AUTS2: variants seen among roughly 807,000 people sequenced by gnomAD.
The protein encoded by AUTS2 is autism susceptibility gene 2 protein.
A neutral mutation model predicts 112.4 loss-of-function variants in AUTS2; 17 were observed. That is an observed-to-expected ratio of 0.15 (90% CI 0.10 to 0.23). The LOEUF (loss-of-function observed/expected upper bound fraction) is 0.23, where lower values mean the gene tolerates loss of function less well. Among genes scored for constraint, AUTS2 ranks in the 10% least tolerant of loss-of-function variants. The probability of loss-of-function intolerance (pLI) is 1.00; values close to 1 mark genes in which losing one functional copy is unlikely to be tolerated. For synonymous variants in AUTS2, 751 were observed against 702.7 expected (o/e 1.07, Z -1.09); for missense variants, 1,510 against 1,701.6 (o/e 0.89, Z 1.98).
intron 5 of AUTS2, among the ~76,000 whole-genome samples, chr7:70,670,257 G>A (rs1445443150): frequency 6.6e-6 from 1 of 152,172 alleles, no homozygotes; most frequent in Non-Finnish European, 1.5e-5. Flanking sequence ...AAGAGCCTAG[G>A]TGGGGAAGGA....
At chr7:69,727,285 C>T (rs536841657) in intron 1 of AUTS2, among the ~76,000 whole-genome samples, 1 of 152,198 alleles carries the variant, frequency 6.6e-6, no homozygotes, top group East Asian at 1.9e-4. Flanking sequence ...TCCCTGGCAC[C>T]TCCGTTGAAA....
chr7:69,888,221 CT>C (rs1794360151), intron 1 of AUTS2, among the ~76,000 whole-genome samples: 1 of 151,690 alleles, frequency 6.6e-6, no homozygotes. Flanking sequence ...GTTTATTTCA[CT>C]CATGGTTCTG....
At chr7:70,046,443 G>C (rs1395918290) in intron 2 of AUTS2, among the ~76,000 whole-genome samples, 1 of 152,176 alleles carries the variant, frequency 6.6e-6, no homozygotes, top group Non-Finnish European at 1.5e-5. Flanking sequence ...TATAGTGATA[G>C]ATGTTATTGT....
At chr7:69,837,606 TG>T (rs1209280129) in intron 1 of AUTS2, among the ~76,000 whole-genome samples, 1 of 151,992 alleles carries the variant, frequency 6.6e-6, no homozygotes, top group Non-Finnish European at 1.5e-5. Flanking sequence ...GAGAGGAAAA[TG>T]GGGGCTTGCT....
At chr7:70,449,262 A>G (rs1401486465) in intron 5 of AUTS2, among the ~76,000 whole-genome samples, 2 of 152,220 alleles carry the variant, frequency 1.3e-5, no homozygotes, top group Non-Finnish European at 2.9e-5. Context: ...GGTAGAAATC[A>G]TGACCCATCC....
intron 1 of AUTS2, among the ~76,000 whole-genome samples, chr7:69,702,367 A>C (rs1364864559): frequency 4.6e-5 from 7 of 152,246 alleles, no homozygotes; most frequent in Non-Finnish European, 1.0e-4. Flanking sequence ...AGGCAGAGGC[A>C]GGGTGAGAAG....
intron 1 of AUTS2, among the ~76,000 whole-genome samples, chr7:69,792,112 TCTC>T (rs1789631105): frequency 6.6e-6 from 1 of 152,034 alleles, no homozygotes; most frequent in Non-Finnish European, 1.5e-5. Context: ...GATACCTCCT[TCTC>T]CTTGATTTCT....
Position 69,685,130 on chromosome 7 carries a change from T to C in AUTS2, c.309+85168T>C, listed in dbSNP as rs528171104. ...CCTCTGTGCTGTGAGTCCAGCCTCT[T>C]TTCAGGCTCTCTCCCTAAGGCAGCT... On this transcript the variant is annotated intron_variant, in intron 1 of 18. Transcript: ENST00000342771. Among the ~76,000 whole-genome samples, 23 of 152,346 alleles carry C rather than the reference T, an allele frequency of 1.5e-4. No individual in the cohort carries two copies. In the South Asian group the frequency reaches 4.6e-3, roughly 30 times the overall value.
intron 1 of AUTS2, among the ~76,000 whole-genome samples, chr7:69,722,591 C>T (rs1799018938): frequency 6.6e-6 from 1 of 152,120 alleles, no homozygotes; most frequent in Admixed American, 6.5e-5. Context: ...CTGCCTTGTC[C>T]CCGCAAAGTG....
intron 2 of AUTS2, among the ~76,000 whole-genome samples, chr7:69,990,170 G>A (rs970683656): frequency 6.6e-6 from 1 of 152,156 alleles, no homozygotes; most frequent in Non-Finnish European, 1.5e-5. Context: ...CTGTAAAATA[G>A]GGTTACTAAT....
At chr7:70,178,586 G>C (rs1205938448) in intron 4 of AUTS2, among the ~76,000 whole-genome samples, 2 of 152,060 alleles carry the variant, frequency 1.3e-5, no homozygotes, top group South Asian at 4.1e-4. Flanking sequence ...GATCCCATGA[G>C]GTCAGGAGTT....
rs1378475750 is a variant in AUTS2, at chr7:69,936,217, TTTTCCTCCAAAGCTTTAGGCCTC to T, written c.522+36722_522+36744del. 4.9e-4 allele frequency among the ~76,000 whole-genome samples: 75 copies of T among 152,182 alleles called. 2 individuals are homozygous for T. Among genetic ancestry groups the T allele is most frequent in the Non-Finnish European group, 2.1e-4 (14 of 68,044 alleles). On this transcript the variant is annotated intron_variant, in intron 2 of 18. Coordinates refer to ENST00000342771, the MANE Select transcript of AUTS2 (RefSeq NM_015570.4). ...ACATTTTGTAGAAAGCAACTAAAGT[TTTTCCTCCAAAGCTTTAGGCCTC>T]TTCTCTTTCAGTTCCTCTTGGTAAG... is the stretch of plus-strand genomic sequence containing the variant.
intron 5 of AUTS2, among the ~76,000 whole-genome samples, chr7:70,518,757 A>G (rs745654684): frequency 1.2e-4 from 18 of 152,004 alleles, no homozygotes; most frequent in Non-Finnish European, 2.4e-4. Flanking sequence ...AGGCTGGAGT[A>G]CAGTGATGCT....
chr7:70,643,514 T>A (rs118170724), intron 5 of AUTS2, among the ~76,000 whole-genome samples: 2,981 of 152,266 alleles, frequency 0.02, 36 homozygotes, highest in Non-Finnish European at 0.028. Context: ...GAGGTTGCAG[T>A]GAGCTGGGAT....
intron 1 of AUTS2, among the ~76,000 whole-genome samples, chr7:69,765,962 AT>A (rs1327033199): frequency 3.3e-5 from 5 of 152,240 alleles, no homozygotes; most frequent in Middle Eastern, 3.4e-3. Context: ...AAGAATTAAA[AT>A]TTGTGGTACA....
chr7:69,790,637 T>C (rs887894665), intron 1 of AUTS2, among the ~76,000 whole-genome samples: 5 of 152,240 alleles, frequency 3.3e-5, no homozygotes, highest in African/African-American at 1.2e-4. Context: ...GTTTTGAAGA[T>C]TGAGATTGTT....
intron 1 of AUTS2, among the ~76,000 whole-genome samples, chr7:69,622,617 T>C (rs1011249583): frequency 2.6e-5 from 4 of 152,224 alleles, no homozygotes; most frequent in African/African-American, 9.6e-5. Context: ...CAGATTTTAC[T>C]GAAGACCCAG....
chr7:70,457,652 G>A (rs112503412), intron 5 of AUTS2, among the ~76,000 whole-genome samples: 1 of 152,192 alleles, frequency 6.6e-6, no homozygotes, highest in Non-Finnish European at 1.5e-5. Context: ...GGACAGAGGT[G>A]GGGGTGGTGG....
intron 2 of AUTS2, among the ~76,000 whole-genome samples, chr7:70,109,622 A>G (rs1392585470): frequency 6.6e-6 from 1 of 152,224 alleles, no homozygotes; most frequent in African/African-American, 2.4e-5. Context: ...CTGGCTTACT[A>G]CGATAAAGGG....
Sources: allele counts gnomAD v4.1 joint callset (sites outside exome capture counted in the v4.1 genomes callset), GRCh38; gene constraint gnomAD v4.1.1; transcripts MANE v1.5; gene names NCBI Gene and HGNC (gene_info 2026-07-23, HGNC 2026-07-21).